The following CACNA2D3 variants were observed in gnomAD, a reference collection of about 807,000 sequenced individuals.
CACNA2D3 encodes voltage-dependent calcium channel subunit alpha-2/delta-3.
Under a neutral mutation model 160.6 loss-of-function variants are expected in CACNA2D3, and 60 were observed. The observed-to-expected ratio is 0.37, with a 90% CI of 0.30 to 0.46. The LOEUF (loss-of-function observed/expected upper bound fraction) is 0.46, where lower values mean the gene tolerates loss of function less well. Ranked by LOEUF, CACNA2D3 falls within the 20% of genes least tolerant of loss-of-function variation. The pLI is 1.00. For synonymous variants in CACNA2D3, 558 were observed against 492.9 expected (o/e 1.13, Z -1.75); for missense variants, 1,205 against 1,365.0 (o/e 0.88, Z 1.85).
rs548037096 is a variant in CACNA2D3 at position 55,051,507 on chromosome 3, A to C, written c.2988-21938A>C. 6.6e-5 allele frequency among the ~76,000 whole-genome samples: 10 copies of C among 151,988 alleles called. No homozygotes were observed. The South Asian group carries it at 2.1e-3, about 32-fold the overall frequency. Reference sequence around the variant, plus strand: ...GCTGGGAGAACCACTGCTCTCTTCAAAGCTGTCAGACAGGGACATTTAAGT... The same window carrying C: ...GCTGGGAGAACCACTGCTCTCTTCACAGCTGTCAGACAGGGACATTTAAGT... On this transcript the variant is annotated intron_variant, in intron 35 of 37. Coordinates refer to ENST00000474759, the MANE Select transcript of CACNA2D3 (RefSeq NM_018398.3).
At chr3:54,183,550 A>G (rs2107325335) in intron 2 of CACNA2D3, among the ~76,000 whole-genome samples, 1 of 152,036 alleles carries the variant, frequency 6.6e-6, no homozygotes, top group Admixed American at 6.6e-5. Context: ...AAATCTGTGT[A>G]TTGTGTTCTC....
intron 11 of CACNA2D3, among the ~76,000 whole-genome samples, chr3:54,703,166 C>T (rs1483208892): frequency 6.6e-6 from 1 of 151,864 alleles, no homozygotes; most frequent in Non-Finnish European, 1.5e-5. Context: ...ATTCGTACAC[C>T]AAACGCCAGT....
intron 4 of CACNA2D3, among the ~76,000 whole-genome samples, chr3:54,416,147 T>C (rs769562552): frequency 6.6e-6 from 1 of 152,246 alleles, no homozygotes; most frequent in Non-Finnish European, 1.5e-5. Context: ...ATAGCACGTG[T>C]AATCTTTTAA....
chr3:54,160,687 G>A (rs6809942), intron 2 of CACNA2D3, among the ~76,000 whole-genome samples: 118,575 of 152,024 alleles, frequency 0.78, 46,684 homozygotes, highest in East Asian at 0.96. Context: ...AATCTGGGAA[G>A]ACCTCTCTCC....
At chr3:54,667,402 G>A (rs1367580179) in intron 11 of CACNA2D3, among the ~76,000 whole-genome samples, 2 of 152,182 alleles carry the variant, frequency 1.3e-5, no homozygotes, top group Non-Finnish European at 2.9e-5. Context: ...GCTGGAAGGA[G>A]GTGGCAAGAA....
At chr3:54,554,942 T>A (rs1053009838) in intron 5 of CACNA2D3, among the ~76,000 whole-genome samples, 1 of 144,884 alleles carries the variant, frequency 6.9e-6, no homozygotes, top group South Asian at 2.2e-4. Context: ...TAGTGCAATC[T>A]TGGCTCATCG....
intron 35 of CACNA2D3, among the ~76,000 whole-genome samples, chr3:55,060,074 G>T (rs1235456851): frequency 1.3e-5 from 2 of 152,062 alleles, no homozygotes; most frequent in Admixed American, 1.3e-4. Context: ...CAGTTTCCAG[G>T]CTTGAAGGTG....
intron 5 of CACNA2D3, among the ~76,000 whole-genome samples, chr3:54,533,573 G>A (rs1701838884): frequency 6.6e-6 from 1 of 152,056 alleles, no homozygotes; most frequent in Non-Finnish European, 1.5e-5. Flanking sequence ...GACCTCAGGT[G>A]ATCTGCCTGC....
chr3:54,394,177 G>A (rs1699331750), intron 4 of CACNA2D3, among the ~76,000 whole-genome samples: 1 of 152,048 alleles, frequency 6.6e-6, no homozygotes, highest in Admixed American at 6.5e-5. Context: ...AGAAAGGCCA[G>A]TTCTGTGTCC....
intron 11 of CACNA2D3, among the ~76,000 whole-genome samples, chr3:54,655,094 A>G (rs1203713980): frequency 6.6e-6 from 1 of 152,206 alleles, no homozygotes; most frequent in Non-Finnish European, 1.5e-5. Flanking sequence ...TGGCTGGAAT[A>G]CCCAGTAATG....
intron 2 of CACNA2D3, among the ~76,000 whole-genome samples, chr3:54,293,563 T>TTTTATATATATATA (rs1553783373): frequency 1.2e-4 from 18 of 149,724 alleles, no homozygotes; most frequent in Non-Finnish European, 2.4e-4. Context: ...TAATATTCTA[T>TTTTATATATATATA]TATATATATA....
chr3:54,880,493 G>C (rs1224508277), intron 20 of CACNA2D3, among the ~76,000 whole-genome samples: 1 of 152,172 alleles, frequency 6.6e-6, no homozygotes, highest in Non-Finnish European at 1.5e-5. Flanking sequence ...CATGGTCCTT[G>C]GGAGGGCATC....
intron 2 of CACNA2D3, among the ~76,000 whole-genome samples, chr3:54,229,012 G>A (rs1463671618): frequency 2.0e-5 from 3 of 152,178 alleles, no homozygotes; most frequent in African/African-American, 4.8e-5. Flanking sequence ...CCTTTGTGCT[G>A]TATGGAAGAT....
At chr3:54,653,599 A>G (rs1017580598) in intron 11 of CACNA2D3, among the ~76,000 whole-genome samples, 2 of 152,198 alleles carry the variant, frequency 1.3e-5, no homozygotes, top group African/African-American at 4.8e-5. Context: ...GAGATGGTTC[A>G]TTGTCTCTGG....
intron 4 of CACNA2D3, among the ~76,000 whole-genome samples, chr3:54,433,950 A>G (rs1278130851): frequency 2.0e-5 from 3 of 152,242 alleles, no homozygotes; most frequent in African/African-American, 7.2e-5. Context: ...AGCAAGCAGC[A>G]TTGCTTCCAT....
At chr3:54,350,968 G>A in intron 3 of CACNA2D3, among the ~76,000 whole-genome samples, 1 of 56,132 alleles carries the variant, frequency 1.8e-5, no homozygotes, top group South Asian at 6.9e-4. Context: ...TCTTGAGTCT[G>A]TTTTTTTTTT....
Position 54,837,191 on chromosome 3 carries a change from C to A in CACNA2D3, c.1431C>A (p.Thr477=). 1 of 1,613,958 alleles carries A rather than the reference C, an allele frequency of 6.2e-7. No homozygotes were observed. Among genetic ancestry groups the A allele is most frequent in the Middle Eastern group, 1.6e-4 (1 of 6,062 alleles). ...LTDDQGPVLM[T]TVAMPVFSKQ... ...ATGATCAGGGCCCCGTCCTGATGACCACTGTAGCCATGCCTGTGTTTAGTA... is the reference window on the plus strand; with the variant it reads ...ATGATCAGGGCCCCGTCCTGATGACAACTGTAGCCATGCCTGTGTTTAGTA... Residue 477 remains threonine, a synonymous_variant, in exon 15 of 38, where the codon ACC becomes ACA. Coordinates refer to ENST00000474759, the MANE Select transcript of CACNA2D3 (RefSeq NM_018398.3).
At chr3:54,480,793 A>G (rs1700920512) in intron 4 of CACNA2D3, among the ~76,000 whole-genome samples, 1 of 152,176 alleles carries the variant, frequency 6.6e-6, no homozygotes, top group Non-Finnish European at 1.5e-5. Flanking sequence ...GGAAGACTCC[A>G]GAATCTGAAA....
At chr3:54,364,705 C>T (rs1410331823) in intron 3 of CACNA2D3, among the ~76,000 whole-genome samples, 1 of 152,182 alleles carries the variant, frequency 6.6e-6, no homozygotes, top group Non-Finnish European at 1.5e-5. Flanking sequence ...TATAGTGACT[C>T]TCTTCAGCTG....
Sources: gnomAD v4.1 joint callset for allele counts (sites outside exome capture counted in the v4.1 genomes callset) on GRCh38, gnomAD v4.1.1 for gene constraint, MANE v1.5 for transcripts, NCBI Gene and HGNC (gene_info 2026-07-23, HGNC 2026-07-21) for gene names.